PROSER2: variants seen among roughly 807,000 people sequenced by gnomAD.
The protein encoded by PROSER2 is proline and serine-rich protein 2.
A neutral mutation model predicts 14.6 loss-of-function variants in PROSER2; 18 were observed. The observed-to-expected ratio is 1.23, with a 90% CI of 0.85 to 1.83. The LOEUF (loss-of-function observed/expected upper bound fraction) is 1.83, where lower values mean the gene tolerates loss of function less well. Among genes scored for constraint, PROSER2 ranks in the 40% most tolerant of loss-of-function variants. PROSER2 has a pLI of 0.00. For synonymous variants in PROSER2, 367 were observed against 286.4 expected (o/e 1.28, Z -2.84); for missense variants, 823 against 629.8 (o/e 1.31, Z -3.28).
chr10:11,861,124 C>G (rs1834229008), intron 2 of PROSER2, among the ~76,000 whole-genome samples: 1 of 152,088 alleles, frequency 6.6e-6, no homozygotes, highest in Non-Finnish European at 1.5e-5. Context: ...CAAATTGTTT[C>G]CCATATTCAG....
At position 11,869,497 on chromosome 10, in the gene PROSER2, AC is replaced by A; in HGVS notation, c.401del (p.Pro134LeufsTer219). ...PEGTQAAGPA[P>X]AGKEHRKQDA... Reference sequence around the variant, plus strand: ...TCCTCCCTTGTCTTCCAGGGCCTGCACCTGCTGGGAAGGAGCACAGGAAACA... The same window carrying A: ...TCCTCCCTTGTCTTCCAGGGCCTGCACTGCTGGGAAGGAGCACAGGAAACA... On this transcript the variant is annotated frameshift_variant, in exon 4 of 4. Transcript: ENST00000277570. LOFTEE classifies it low-confidence loss of function (END_TRUNC). The surrounding 1 kb of genome is among the most constrained non-coding windows in gnomAD (Gnocchi z 4.4). 1 of 1,612,812 alleles carries A rather than the reference AC, an allele frequency of 6.2e-7. No individual in the cohort carries two copies. Among genetic ancestry groups the A allele is most frequent in the Non-Finnish European group, 8.5e-7 (1 of 1,179,168 alleles).
rs753446505 is a variant in PROSER2 at position 11,869,439 on chromosome 10, A to G, written c.392-51A>G. On this transcript the variant is annotated intron_variant, in intron 3 of 3. Transcript: ENST00000277570. The surrounding 1 kb of genome is among the most constrained non-coding windows in gnomAD (Gnocchi z 4.4). ...AGTTCAGCGAGAGGGAACTTCATGC[A>G]TTTACTTTCACGTGGGCCGGTGGCT... The G allele has an allele frequency of 9.3e-6, 13 of 1,393,148 alleles. No homozygotes were observed. The highest frequency in any genetic ancestry group is 1.2e-5 in the Non-Finnish European group (12 of 981,296). The allele number at this position is 1,393,148 out of a possible 1,614,324, so 86.3% of individuals were successfully genotyped here. A position where few individuals can be genotyped will look rare whatever the true frequency, so the allele number is the denominator to read the frequency against.
Position 11,842,931 on chromosome 10 carries a change from C to CTTTTTTTTTTTTTTTTTT in PROSER2, c.-81-9056_-81-9039dup, listed in dbSNP as rs558283551. 1.3e-3 allele frequency among the ~76,000 whole-genome samples: 69 copies of CTTTTTTTTTTTTTTTTTT among 51,952 alleles called. 8 individuals carry two copies. The highest frequency in any genetic ancestry group is 2.1e-3 in the Non-Finnish European group (56 of 27,010). The allele number at this position is 51,952 out of a possible 152,430, so 34.1% of individuals were successfully genotyped here. A position where few individuals can be genotyped will look rare whatever the true frequency, so the allele number is the denominator to read the frequency against. ...TTTTCTATACTATTTTGCCATTGTT[C>CTTTTTTTTTTTTTTTTTT]TTTTTTTTTTTTTTTTTTTTTTTTT... On this transcript the variant is annotated intron_variant, in intron 1 of 3. Transcript: ENST00000277570.
rs770873162 is a variant in PROSER2, at chr10:11,869,260, C to T, written c.392-230C>T. 2.4e-5 allele frequency: 14 copies of T among 589,058 alleles called. No individual in the cohort carries two copies. Among genetic ancestry groups the T allele is most frequent in the Non-Finnish European group, 3.6e-5 (12 of 330,014 alleles). The allele number at this position is 589,058 out of a possible 1,614,324, so 36.5% of individuals were successfully genotyped here. ...TGTCTCCTAGGTGTGGACTGTCTGA[C>T]TTGCAGGGCTATCGTGATTGTCCCT... On this transcript the variant is annotated intron_variant, in intron 3 of 3. Coordinates refer to ENST00000277570, the MANE Select transcript of PROSER2 (RefSeq NM_153256.4). The surrounding 1 kb of genome is among the most constrained non-coding windows in gnomAD (Gnocchi z 4.4).
chr10:11,851,756 T>G (rs1834021288), intron 1 of PROSER2: 1 of 174,370 alleles, frequency 5.7e-6, no homozygotes, highest in Non-Finnish European at 1.2e-5. Context: ...AGACTCTATC[T>G]CTGAAAAAAA....
intron 1 of PROSER2, among the ~76,000 whole-genome samples, chr10:11,839,253 G>T (rs1327502212): frequency 1.3e-5 from 2 of 152,066 alleles, no homozygotes; most frequent in Admixed American, 6.6e-5. Flanking sequence ...ATTTAAATAT[G>T]AAAAGTGGAA....
chr10:11,870,291 C>T lies in PROSER2; in HGVS notation c.1193C>T (p.Ala398Val). 6.7e-7 allele frequency: 1 copy of T among 1,494,632 alleles called. No individual in the cohort carries two copies. The highest frequency in any genetic ancestry group is 1.3e-5 in the South Asian group (1 of 79,828). 92.6% of individuals were successfully genotyped at this position (1,494,632 alleles called of 1,614,324 possible). The part of the protein sequence containing the change: ...QPNGAQDWRR[A>V]DSLPRPQGIT... ...AACGGCGCCCAGGACTGGCGCCGCGCAGACTCCCTGCCCCGGCCCCAGGGC... is the reference window on the plus strand; with the variant it reads ...AACGGCGCCCAGGACTGGCGCCGCGTAGACTCCCTGCCCCGGCCCCAGGGC... Residue 398 changes from alanine (A) to valine (V), a missense_variant, in exon 4 of 4, where the codon GCA (alanine) becomes GTA (valine). Transcript: ENST00000277570.
At chr10:11,839,820 CT>C in intron 1 of PROSER2, among the ~76,000 whole-genome samples, 1 of 128,388 alleles carries the variant, frequency 7.8e-6, no homozygotes, top group African/African-American at 3.0e-5. Flanking sequence ...GTGAGATTGT[CT>C]CAAAAAAAAA....
intron 2 of PROSER2, among the ~76,000 whole-genome samples, chr10:11,857,694 G>A (rs12251990): frequency 0.084 from 12,215 of 146,052 alleles, 542 homozygotes; most frequent in Middle Eastern, 0.15. Context: ...GCAGTGAGCC[G>A]AGATCGCACC....
intron 1 of PROSER2, among the ~76,000 whole-genome samples, chr10:11,833,583 C>T (rs929737409): frequency 6.6e-6 from 1 of 151,978 alleles, no homozygotes; most frequent in South Asian, 2.1e-4. Context: ...CCCAGTTACC[C>T]TGGAGGCTGA....
chr10:11,855,310 A>T, intron 2 of PROSER2, among the ~76,000 whole-genome samples: 1 of 150,974 alleles, frequency 6.6e-6, no homozygotes, highest in South Asian at 2.1e-4. Context: ...CGTCTCTACT[A>T]AAAATACAAA....
intron 1 of PROSER2, among the ~76,000 whole-genome samples, chr10:11,839,221 A>T (rs1468811876): frequency 3.3e-5 from 5 of 152,228 alleles, no homozygotes; most frequent in Admixed American, 3.3e-4. Flanking sequence ...TTACACTGAC[A>T]TAAATCCAAG....
At chr10:11,854,411 G>A (rs1400496676) in intron 2 of PROSER2, among the ~76,000 whole-genome samples, 1 of 152,164 alleles carries the variant, frequency 6.6e-6, no homozygotes, top group Admixed American at 6.5e-5. Flanking sequence ...AGGCTCAAGT[G>A]AGCCTCCTGC....
Position 11,866,891 on chromosome 10 carries a change from C to A in PROSER2, c.391+108C>A. ...TGTTTGCCAGTAGAAGTTGTTGAGT[C>A]TTACCAGATTTTTATAGGGGAAAAT... On this transcript the variant is annotated intron_variant, in intron 3 of 3. Coordinates refer to ENST00000277570, the MANE Select transcript of PROSER2 (RefSeq NM_153256.4). The surrounding 1 kb of genome is among the most constrained non-coding windows in gnomAD (Gnocchi z 6.0). 7.6e-7 allele frequency: 1 copy of A among 1,324,050 alleles called. No individual in the cohort carries two copies. The highest frequency in any genetic ancestry group is 1.0e-6 in the Non-Finnish European group (1 of 987,294). 82.0% of individuals were successfully genotyped at this position (1,324,050 alleles called of 1,614,324 possible).
rs145668026 is a variant in PROSER2, at chr10:11,854,833, C to T, written c.138+2618C>T. 3.0e-3 allele frequency among the ~76,000 whole-genome samples: 460 copies of T among 152,250 alleles called. 4 individuals carry two copies. Among genetic ancestry groups the T allele is most frequent in the African/African-American group, 0.011 (440 of 41,544 alleles). On this transcript the variant is annotated intron_variant, in intron 2 of 3. Coordinates refer to ENST00000277570, the MANE Select transcript of PROSER2 (RefSeq NM_153256.4). ...ATCACAGCAATACAGCGTCTCTAAA[C>T]GTCATACTCCACTTTTTTGGAAGTG...
In PROSER2 at chr10:11,869,636, C is replaced by G. The variant is rs371009288; in HGVS notation, c.538C>G (p.Pro180Ala). 5.0e-4 allele frequency: 803 copies of G among 1,596,902 alleles called. No individual in the cohort carries two copies. Among genetic ancestry groups the G allele is most frequent in the Non-Finnish European group, 6.4e-4 (746 of 1,171,334 alleles). The change falls in exon 4 of 4, where the codon CCG becomes GCG. Residue 180 changes from proline to alanine, a missense_variant. By Grantham distance (27) the Pro-to-Ala change is conservative. Transcript: ENST00000277570. This position sits in a 1 kb window ranked among gnomAD's most constrained non-coding sequence, Gnocchi z 4.4. ...PPRRELRAPS[P>A]PVEHPRLLRS... ...CAGGAGGGAGCTGCGCGCCCCCTCC[C>G]CGCCGGTGGAGCACCCCAGACTCCT...
intron 2 of PROSER2, among the ~76,000 whole-genome samples, chr10:11,852,555 A>C (rs1392996665): frequency 6.6e-6 from 1 of 151,908 alleles, no homozygotes; most frequent in Middle Eastern, 3.4e-3. Flanking sequence ...TTTTTGAGAC[A>C]GAGTCTCACT....
chr10:11,827,461 G>A (rs566308764), intron 1 of PROSER2, among the ~76,000 whole-genome samples: 89 of 152,226 alleles, frequency 5.8e-4, no homozygotes, highest in African/African-American at 2.0e-3. Context: ...TCATTCTGTT[G>A]TGGGTTTTTT....
intron 1 of PROSER2, among the ~76,000 whole-genome samples, chr10:11,840,613 A>G (rs1564303834): frequency 6.6e-6 from 1 of 151,918 alleles, no homozygotes; most frequent in South Asian, 2.1e-4. Flanking sequence ...TTTGGTGTCA[A>G]GGTTTTAGTA....
Sources: gnomAD v4.1 joint callset for allele counts (sites outside exome capture counted in the v4.1 genomes callset) on GRCh38, gnomAD v4.1.1 for gene constraint, Gnocchi (gnomAD v3.1) non-coding constraint, MANE v1.5 for transcripts, NCBI Gene and HGNC (gene_info 2026-07-23, HGNC 2026-07-21) for gene names.